Variants in KCNJ6 observed in about 807,000 individuals in gnomAD.
The protein encoded by KCNJ6 is potassium inwardly rectifying channel subfamily J member 6, also known as G protein-activated inward rectifier potassium channel 2.
A neutral mutation model predicts 34.2 loss-of-function variants in KCNJ6; 9 were observed. The observed-to-expected ratio is 0.26, with a 90% CI of 0.16 to 0.46. The LOEUF (loss-of-function observed/expected upper bound fraction) is 0.46. Ranked by LOEUF, KCNJ6 falls within the 20% of genes least tolerant of loss-of-function variation. The probability of loss-of-function intolerance (pLI) is 1.00; values close to 1 mark genes in which losing one functional copy is unlikely to be tolerated. For missense variants in KCNJ6, 236 were observed against 531.3 expected (o/e 0.44, Z 5.46); for synonymous variants, 196 against 207.1 (o/e 0.95, Z 0.46).
intron 3 of KCNJ6, among the ~76,000 whole-genome samples, chr21:37,673,032 C>A (rs914246721): frequency 6.6e-6 from 1 of 152,190 alleles, no homozygotes; most frequent in Non-Finnish European, 1.5e-5. Flanking sequence ...ATAAAAGTCT[C>A]CTTTTTACAT....
chr21:37,881,019 G>T (rs951128494), intron 1 of KCNJ6, among the ~76,000 whole-genome samples: 1 of 152,214 alleles, frequency 6.6e-6, no homozygotes, highest in East Asian at 1.9e-4. Flanking sequence ...GAAGGGCAAG[G>T]CAACTCAAGT....
intron 2 of KCNJ6, among the ~76,000 whole-genome samples, chr21:37,760,736 T>G (rs567842082): frequency 6.6e-6 from 1 of 152,294 alleles, no homozygotes; most frequent in African/African-American, 2.4e-5. Context: ...GCCTCTCAGA[T>G]GTGGTGTGGT....
At chr21:37,721,933 G>C (rs1443282069) in intron 2 of KCNJ6, among the ~76,000 whole-genome samples, 1 of 152,156 alleles carries the variant, frequency 6.6e-6, no homozygotes, top group African/African-American at 2.4e-5. Flanking sequence ...GCAAGCACAG[G>C]AAGTCCTAGC....
chr21:37,706,054 G>C (rs1171062443), intron 3 of KCNJ6, among the ~76,000 whole-genome samples: 1 of 66,980 alleles, frequency 1.5e-5, no homozygotes, highest in African/African-American at 6.4e-5. Context: ...TGTGACATGT[G>C]CTTCCACGAG....
At chr21:37,649,116 G>C (rs1254563382) in intron 3 of KCNJ6, among the ~76,000 whole-genome samples, 1 of 120,444 alleles carries the variant, frequency 8.3e-6, no homozygotes, top group Non-Finnish European at 1.6e-5. Context: ...CTGGGTGACA[G>C]AGTGAGACTC....
At chr21:37,830,299 G>A (rs561540216) in intron 2 of KCNJ6, among the ~76,000 whole-genome samples, 2 of 152,286 alleles carry the variant, frequency 1.3e-5, no homozygotes, top group African/African-American at 4.8e-5. Context: ...GAGACCACAG[G>A]CCTAGGGAGG....
At chr21:37,692,832 C>T (rs1250217878) in intron 3 of KCNJ6, among the ~76,000 whole-genome samples, 1 of 152,210 alleles carries the variant, frequency 6.6e-6, no homozygotes, top group Non-Finnish European at 1.5e-5. Flanking sequence ...TAAGGCCACT[C>T]CCCTCACCTA....
At chr21:37,671,709 G>A (rs1271107998) in intron 3 of KCNJ6, among the ~76,000 whole-genome samples, 1 of 152,352 alleles carries the variant, frequency 6.6e-6, no homozygotes, top group East Asian at 1.9e-4. Flanking sequence ...CAGTGTCAGA[G>A]CTGAACTGAA....
At chr21:37,910,524 A>T (rs1055464403) in intron 1 of KCNJ6, among the ~76,000 whole-genome samples, 3 of 152,240 alleles carry the variant, frequency 2.0e-5, no homozygotes. Context: ...CCCACAGAAC[A>T]GTTGTTGGCA....
chr21:37,885,493 T>C (rs1242279530), intron 1 of KCNJ6, among the ~76,000 whole-genome samples: 1 of 152,202 alleles, frequency 6.6e-6, no homozygotes, highest in Non-Finnish European at 1.5e-5. Context: ...AGGGAGATGA[T>C]CCTGTGGGGG....
intron 2 of KCNJ6, among the ~76,000 whole-genome samples, chr21:37,796,680 C>A (rs574759895): frequency 6.7e-4 from 102 of 151,480 alleles, no homozygotes; most frequent in Non-Finnish European, 1.2e-3. Context: ...AGCCCTGTTA[C>A]TATAACTTGG....
At chr21:37,848,588 C>G (rs2055521905) in intron 1 of KCNJ6, among the ~76,000 whole-genome samples, 1 of 152,140 alleles carries the variant, frequency 6.6e-6, no homozygotes, top group African/African-American at 2.4e-5. Flanking sequence ...TTGACCAGAC[C>G]AGGGAGGGTC....
At chr21:37,687,716 A>G (rs1188929496) in intron 3 of KCNJ6, among the ~76,000 whole-genome samples, 1 of 152,126 alleles carries the variant, frequency 6.6e-6, no homozygotes, top group African/African-American at 2.4e-5. Context: ...GTCAGCTCTG[A>G]GCTTGTTAGG....
intron 3 of KCNJ6, among the ~76,000 whole-genome samples, chr21:37,644,467 G>A (rs1026019739): frequency 4.6e-5 from 7 of 152,278 alleles, no homozygotes; most frequent in African/African-American, 1.7e-4. Context: ...TCCCCAAACC[G>A]AGATTTGCCT....
At chr21:37,647,331 A>AG (rs1293918281) in intron 3 of KCNJ6, among the ~76,000 whole-genome samples, 3 of 151,984 alleles carry the variant, frequency 2.0e-5, no homozygotes, top group African/African-American at 7.3e-5. Flanking sequence ...TGTGTGTATG[A>AG]GTAGGGTCGG....
At chr21:37,663,520 G>T (rs528997889) in intron 3 of KCNJ6, among the ~76,000 whole-genome samples, 18 of 151,728 alleles carry the variant, frequency 1.2e-4, no homozygotes, top group African/African-American at 4.1e-4. Context: ...AAACAAAAGG[G>T]CATAGAAAAG....
At chr21:37,677,877 C>G (rs1285371795) in intron 3 of KCNJ6, among the ~76,000 whole-genome samples, 3 of 151,470 alleles carry the variant, frequency 2.0e-5, no homozygotes, top group Non-Finnish European at 4.4e-5. Flanking sequence ...ATCAACACAC[C>G]CTTCTGTTCA....
At position 37,875,358 on chromosome 21, in the gene KCNJ6, A is replaced by C. The variant is rs759796612; in HGVS notation, c.-27-34649T>G. 3.5e-4 allele frequency among the ~76,000 whole-genome samples: 53 copies of C among 151,972 alleles called. 1 individual carries two copies. The highest frequency in any genetic ancestry group is 1.2e-4 in the Non-Finnish European group (8 of 67,968). On this transcript the variant is annotated intron_variant, in intron 1 of 3. Coordinates refer to ENST00000609713, the MANE Select transcript of KCNJ6 (RefSeq NM_002240.5). ...TTAGCGGGGAGCCTCCACCTTTCCT[A>C]TGAATTCAAAATGCCAAGCTCGCCC...
chr21:37,729,218 C>T (rs858033), intron 2 of KCNJ6, among the ~76,000 whole-genome samples: 109,010 of 152,042 alleles, frequency 0.72, 39,301 homozygotes, highest in Middle Eastern at 0.79. Context: ...TGTTGGCTGC[C>T]CATGGCATAT....
Sources: gnomAD v4.1 joint callset for allele counts (sites outside exome capture counted in the v4.1 genomes callset) on GRCh38, gnomAD v4.1.1 for gene constraint, MANE v1.5 for transcripts, NCBI Gene and HGNC (gene_info 2026-07-23, HGNC 2026-07-21) for gene names.